The following SLC37A3 variants were observed in gnomAD, a reference collection of about 807,000 sequenced individuals.
SLC37A3 encodes the protein sugar phosphate exchanger 3.
A neutral mutation model predicts 67.1 loss-of-function variants in SLC37A3; 51 were observed. The observed-to-expected ratio is 0.76, with a 90% confidence interval of 0.61 to 0.96. The LOEUF is 0.96. Among genes scored for constraint, SLC37A3 ranks in the 40% least tolerant of loss-of-function variants. The pLI, the probability that SLC37A3 is intolerant of heterozygous loss-of-function variation, is 0.00. For missense variants in SLC37A3, 508 were observed against 603.0 expected (o/e 0.84, Z 1.65); for synonymous variants, 214 against 231.4 (o/e 0.92, Z 0.68).
chr7:140,395,093 T>C (rs994376666), intron 1 of SLC37A3, among the ~76,000 whole-genome samples: 1 of 151,886 alleles, frequency 6.6e-6, no homozygotes. Flanking sequence ...AAAAGAGCTA[T>C]AAAGCCGGGC....
At chr7:140,351,023 G>A (rs2117075752) in intron 9 of SLC37A3, among the ~76,000 whole-genome samples, 1 of 152,246 alleles carries the variant, frequency 6.6e-6, no homozygotes, top group South Asian at 2.1e-4. Flanking sequence ...TGAGTAGTTG[G>A]GGGAGAGACT....
chr7:140,360,896 A>G (rs1239276543), intron 5 of SLC37A3, among the ~76,000 whole-genome samples: 1 of 152,102 alleles, frequency 6.6e-6, no homozygotes, highest in Non-Finnish European at 1.5e-5. Context: ...AGAAAACCAC[A>G]GAAGACAGAC....
intron 1 of SLC37A3, among the ~76,000 whole-genome samples, chr7:140,388,589 G>T (rs1012057597): frequency 1.3e-5 from 2 of 151,732 alleles, no homozygotes; most frequent in Admixed American, 6.6e-5. Context: ...GAGACAGGAG[G>T]ATCACGAAGT....
At chr7:140,378,845 T>TA (rs1798134117) in intron 3 of SLC37A3, among the ~76,000 whole-genome samples, 1 of 151,180 alleles carries the variant, frequency 6.6e-6, no homozygotes, top group Non-Finnish European at 1.5e-5. Context: ...GGTCAGGAAT[T>TA]AGACTAGCTT....
intron 13 of SLC37A3, among the ~76,000 whole-genome samples, chr7:140,342,882 T>C (rs774946623): frequency 2.6e-5 from 4 of 152,210 alleles, no homozygotes; most frequent in Non-Finnish European, 5.9e-5. Context: ...CAGACACTTA[T>C]GGGCCACTCT....
intron 9 of SLC37A3, 134 bp from the exon 10 acceptor site, chr7:140,348,901 C>G (rs1563014180): frequency 8.6e-6 from 9 of 1,050,106 alleles, no homozygotes; most frequent in Non-Finnish European, 1.2e-5. Context: ...TTAAACATCT[C>G]TACAAACTCC....
At chr7:140,382,652 A>T in intron 1 of SLC37A3, 56 bp from the exon 2 acceptor site, 1 of 781,472 alleles carries the variant, frequency 1.3e-6, no homozygotes, top group East Asian at 2.7e-5. Context: ...GTATCCAAAA[A>T]CTGTATTATT....
intron 5 of SLC37A3, among the ~76,000 whole-genome samples, chr7:140,362,795 T>C (rs1388060750): frequency 3.3e-4 from 19 of 58,364 alleles, no homozygotes; most frequent in South Asian, 1.7e-3. Flanking sequence ...GCCCCCCGCC[T>C]GGCCAGCCGC....
At chr7:140,346,616 C>G (rs1192837707) in intron 10 of SLC37A3, among the ~76,000 whole-genome samples, 1 of 152,172 alleles carries the variant, frequency 6.6e-6, no homozygotes, top group Non-Finnish European at 1.5e-5. Flanking sequence ...AGAACTATGC[C>G]TTGCTGGGCA....
chr7:140,354,380 A>T (rs1177557782), intron 7 of SLC37A3, among the ~76,000 whole-genome samples: 1 of 151,776 alleles, frequency 6.6e-6, no homozygotes, highest in African/African-American at 2.4e-5. Context: ...AAAGTACAAC[A>T]TGTTTTCAAA....
chr7:140,341,325 A>G (rs1585250022), intron 13 of SLC37A3, among the ~76,000 whole-genome samples: 1 of 152,132 alleles, frequency 6.6e-6, no homozygotes, highest in East Asian at 1.9e-4. Flanking sequence ...TGTGTCAACA[A>G]AAGCACTAAG....
intron 9 of SLC37A3, among the ~76,000 whole-genome samples, chr7:140,350,732 C>A (rs1328114681): frequency 1.3e-5 from 2 of 151,970 alleles, no homozygotes; most frequent in Non-Finnish European, 2.9e-5. Flanking sequence ...CCACTGCACT[C>A]CAGCCTGGGT....
chr7:140,384,128 T>A (rs1798358561), intron 1 of SLC37A3, among the ~76,000 whole-genome samples: 1 of 152,198 alleles, frequency 6.6e-6, no homozygotes, highest in Non-Finnish European at 1.5e-5. Flanking sequence ...AGGGGAATAA[T>A]TAAATAAATT....
At chr7:140,363,040 C>T (rs1291886101) in intron 5 of SLC37A3, among the ~76,000 whole-genome samples, 5 of 94,480 alleles carry the variant, frequency 5.3e-5, no homozygotes, top group Middle Eastern at 5.7e-3. Context: ...CCCCTCTGCC[C>T]GGCCAGCCGC....
intron 1 of SLC37A3, among the ~76,000 whole-genome samples, chr7:140,394,711 C>T (rs922852913): frequency 5.3e-5 from 8 of 151,060 alleles, no homozygotes; most frequent in African/African-American, 1.2e-4. Flanking sequence ...CAGGTTCATG[C>T]GATTCTTCTG....
Position 140,335,128 on chromosome 7 carries a change from C to T in SLC37A3, c.*284G>A, listed in dbSNP as rs1796080363. 1 of 1,214,402 alleles carries T rather than the reference C, an allele frequency of 8.2e-7. No individual in the cohort carries two copies. The highest frequency in any genetic ancestry group is 1.5e-5 in the African/African-American group (1 of 65,826). 75.2% of individuals were successfully genotyped at this position (1,214,402 alleles called of 1,614,324 possible). A position where few individuals can be genotyped will look rare whatever the true frequency, so the allele number is the denominator to read the frequency against. ...AAACGCTAAACCTCAATAGGCCAAA[C>T]AAAGACGCGGGCAGAGTCAGAGGTC... On this transcript the variant is annotated 3_prime_UTR_variant, in exon 15 of 15. Transcript: ENST00000326232.
chr7:140,342,694 A>C (rs1304055098), intron 13 of SLC37A3, among the ~76,000 whole-genome samples: 1 of 152,174 alleles, frequency 6.6e-6, no homozygotes, highest in Non-Finnish European at 1.5e-5. Context: ...AAAAAAGGTC[A>C]ATGTAAATAA....
At chr7:140,361,816 T>C (rs1797315087) in intron 5 of SLC37A3, among the ~76,000 whole-genome samples, 6 of 140,208 alleles carry the variant, frequency 4.3e-5, no homozygotes, top group African/African-American at 1.6e-4. Flanking sequence ...CCTCCCGAGG[T>C]GCCGGGATTG....
chr7:140,353,360 G>GT (rs1329063209), intron 7 of SLC37A3, among the ~76,000 whole-genome samples: 1 of 151,814 alleles, frequency 6.6e-6, no homozygotes, highest in Admixed American at 6.6e-5. Context: ...GCGTACACCT[G>GT]TAATCCCAGC....
Sources: gnomAD v4.1 joint callset for allele counts (sites outside exome capture counted in the v4.1 genomes callset) on GRCh38, gnomAD v4.1.1 for gene constraint, MANE v1.5 for transcripts, NCBI Gene and HGNC (gene_info 2026-07-23, HGNC 2026-07-21) for gene names.